Variants in GALNT13 observed in about 807,000 individuals in gnomAD.
GALNT13 encodes the protein polypeptide N-acetylgalactosaminyltransferase 13.
GALNT13 carries 28 observed loss-of-function variants against 64.2 expected under a neutral mutation model. That is an observed-to-expected ratio of 0.44 (90% confidence interval 0.32 to 0.60). The LOEUF (loss-of-function observed/expected upper bound fraction) is 0.60. Ranked by LOEUF, GALNT13 falls within the 20% of genes least tolerant of loss-of-function variation. GALNT13 has a pLI of 0.05. For missense variants in GALNT13, 577 were observed against 669.8 expected (o/e 0.86, Z 1.53); for synonymous variants, 214 against 224.6 (o/e 0.95, Z 0.42).
At chr2:153,620,158 C>T in the GALNT13 span, among the ~76,000 whole-genome samples, 3 of 152,012 alleles carry the variant, frequency 2.0e-5, no homozygotes, top group Admixed American at 6.6e-5. Flanking sequence ...GATTCTCATT[C>T]TGTCACCCAG....
chr2:154,156,321 A>G (rs1684419493), intron 4 of GALNT13, among the ~76,000 whole-genome samples: 1 of 152,096 alleles, frequency 6.6e-6, no homozygotes, highest in African/African-American at 2.4e-5. Context: ...GCTATATTTT[A>G]TAAGAAATTT....
chr2:154,410,033 TAA>T (rs1203170912), intron 11 of GALNT13, among the ~76,000 whole-genome samples: 1 of 151,914 alleles, frequency 6.6e-6, no homozygotes, highest in Non-Finnish European at 1.5e-5. Context: ...ATTCTTAATT[TAA>T]AAAATCCTAA....
At chr2:153,120,727 A>G in the GALNT13 span, among the ~76,000 whole-genome samples, 18 of 152,242 alleles carry the variant, frequency 1.2e-4, no homozygotes, top group African/African-American at 3.9e-4. Flanking sequence ...GTAAGTAAAC[A>G]TTTTAGAAGC....
chr2:153,925,623 A>G (rs536810867), intron 2 of GALNT13, among the ~76,000 whole-genome samples: 1 of 151,714 alleles, frequency 6.6e-6, no homozygotes, highest in East Asian at 1.9e-4. Context: ...TGAAAATAGC[A>G]TTGAATCTGT....
the GALNT13 span, among the ~76,000 whole-genome samples, chr2:153,231,430 T>G: frequency 2.0e-5 from 3 of 152,234 alleles, no homozygotes; most frequent in South Asian, 2.1e-4. Flanking sequence ...ATCAAAGTCA[T>G]GTTGTTTAAA....
chr2:154,220,679 G>A (rs535804886), intron 4 of GALNT13, among the ~76,000 whole-genome samples: 2 of 152,062 alleles, frequency 1.3e-5, no homozygotes, highest in South Asian at 2.1e-4. Flanking sequence ...ATTTTGCAAT[G>A]CCAGTAATAA....
At chr2:154,314,280 C>T (rs891622324) in intron 9 of GALNT13, among the ~76,000 whole-genome samples, 3 of 152,016 alleles carry the variant, frequency 2.0e-5, no homozygotes, top group Non-Finnish European at 4.4e-5. Context: ...AATTTCTTAA[C>T]AAAATTGAAG....
intron 4 of GALNT13, among the ~76,000 whole-genome samples, chr2:154,155,318 A>T (rs1479908712): frequency 6.6e-6 from 1 of 152,048 alleles, no homozygotes; most frequent in African/African-American, 2.4e-5. Flanking sequence ...GTATTTTTTT[A>T]TTCGTCTCAT....
In GALNT13 at chr2:154,343,091, A is replaced by G. The variant is rs143540868; in HGVS notation, c.1156+41502A>G. Among the ~76,000 whole-genome samples the G allele has an allele frequency of 8.7e-4, 133 of 152,070 alleles. 3 individuals are homozygous for G. In the East Asian group the frequency reaches 0.019, roughly 22 times the overall value. The stretch of plus-strand genomic sequence containing the variant: ...ACAAACTTGGGTGGATCTGGGTTTT[A>G]CATCTGGGATCTCTTTTACTTTACC... On this transcript the variant is annotated intron_variant, in intron 9 of 12. Coordinates refer to ENST00000392825, the MANE Select transcript of GALNT13 (RefSeq NM_052917.4).
At chr2:153,255,979 C>T in the GALNT13 span, among the ~76,000 whole-genome samples, 12 of 152,174 alleles carry the variant, frequency 7.9e-5, no homozygotes, top group East Asian at 5.8e-4. Flanking sequence ...ATCTTTGTGG[C>T]GTTCTCTGTA....
the GALNT13 span, among the ~76,000 whole-genome samples, chr2:153,597,528 T>C: frequency 2.0e-5 from 3 of 152,104 alleles, no homozygotes; most frequent in African/African-American, 7.2e-5. Flanking sequence ...GCTGGAAAAT[T>C]CTTAGAAGGA....
intron 8 of GALNT13, among the ~76,000 whole-genome samples, chr2:154,268,146 A>G (rs973472718): frequency 6.6e-5 from 10 of 152,204 alleles, no homozygotes; most frequent in Admixed American, 3.3e-4. Context: ...CAATATTCAT[A>G]GCAGCTTTAT....
At chr2:153,303,346 A>G in the GALNT13 span, among the ~76,000 whole-genome samples, 6 of 151,948 alleles carry the variant, frequency 3.9e-5, no homozygotes, top group African/African-American at 1.2e-4. Flanking sequence ...CTTTTTTTGG[A>G]AAGTTCATTG....
At chr2:153,740,823 G>A in the GALNT13 span, among the ~76,000 whole-genome samples, 19 of 152,074 alleles carry the variant, frequency 1.2e-4, no homozygotes, top group East Asian at 1.9e-4. Flanking sequence ...TTCATTTTCC[G>A]TCAGGTACTT....
intron 8 of GALNT13, chr2:154,287,269 A>G (rs1692322921): frequency 1.3e-6 from 1 of 787,176 alleles, no homozygotes; most frequent in Non-Finnish European, 2.2e-6. Flanking sequence ...ACTCCAAGAC[A>G]GCAGAGCTGA....
the GALNT13 span, among the ~76,000 whole-genome samples, chr2:153,717,789 T>C: frequency 4.5e-4 from 69 of 152,300 alleles, no homozygotes; most frequent in African/African-American, 1.5e-3. Context: ...TTAACTGGAT[T>C]ACTTCGAGTA....
intron 9 of GALNT13, among the ~76,000 whole-genome samples, chr2:154,389,074 T>C (rs1049311180): frequency 2.0e-5 from 3 of 152,218 alleles, no homozygotes; most frequent in Non-Finnish European, 4.4e-5. Context: ...AGTTGTATTT[T>C]GTCAACCAGA....
the GALNT13 span, among the ~76,000 whole-genome samples, chr2:153,234,622 C>G: frequency 6.6e-6 from 1 of 152,152 alleles, no homozygotes; most frequent in Admixed American, 6.5e-5. Flanking sequence ...AAGGGAATAC[C>G]ATAATATCAT....
At chr2:153,652,869 A>G in the GALNT13 span, among the ~76,000 whole-genome samples, 1,363 of 152,258 alleles carry the variant, frequency 9.0e-3, 16 homozygotes, top group African/African-American at 0.031. Flanking sequence ...GTGAATCAGT[A>G]AAAAGTTCAT....
Sources: gnomAD v4.1 joint callset for allele counts (sites outside exome capture counted in the v4.1 genomes callset) on GRCh38, gnomAD v4.1.1 for gene constraint, MANE v1.5 for transcripts, NCBI Gene and HGNC (gene_info 2026-07-23, HGNC 2026-07-21) for gene names.